Variants in LRRFIP2 observed in about 807,000 individuals in gnomAD.
LRRFIP2 encodes leucine-rich repeat flightless-interacting protein 2.
LRRFIP2 carries 109 observed loss-of-function variants against 125.9 expected under a neutral mutation model. The observed-to-expected ratio is 0.87, with a 90% confidence interval of 0.74 to 1.01. LRRFIP2 has a LOEUF of 1.01. Ranked by LOEUF, LRRFIP2 falls within the 50% of genes least tolerant of loss-of-function variation. LRRFIP2 has a pLI of 0.00. For synonymous variants in LRRFIP2, 291 were observed against 293.1 expected, an observed-to-expected ratio of 0.99 and a Z score of 0.07; for missense variants, 850 against 862.3, an observed-to-expected ratio of 0.99 and a Z score of 0.18.
At chr3:37,071,050 A>C (rs1269170683) in intron 21 of LRRFIP2, among the ~76,000 whole-genome samples, 1 of 152,228 alleles carries the variant, frequency 6.6e-6, no homozygotes, top group African/African-American at 2.4e-5. Context: ...ATCAAATTTC[A>C]CTTTTCAATT....
At chr3:37,118,818 C>T (rs564514996) in intron 6 of LRRFIP2, among the ~76,000 whole-genome samples, 2 of 152,258 alleles carry the variant, frequency 1.3e-5, no homozygotes, top group South Asian at 4.1e-4. Context: ...TCTTAGTACA[C>T]GGCCTTAAGT....
chr3:37,153,461 T>A (rs1194443118), intron 1 of LRRFIP2, among the ~76,000 whole-genome samples: 1 of 152,020 alleles, frequency 6.6e-6, no homozygotes, highest in African/African-American at 2.4e-5. Context: ...CTGGATCACA[T>A]CAAAATTAAA....
upstream of LRRFIP2, chr3:37,176,145 G>A: frequency 6.6e-6 from 1 of 152,330 alleles, no homozygotes; most frequent in Non-Finnish European, 1.5e-5. Context: ...CTGGGGCTAT[G>A]GGCGAGGGGC....
chr3:37,110,959 A>G, intron 9 of LRRFIP2, 32 bp downstream of exon 9: 1 of 1,601,550 alleles, frequency 6.2e-7, no homozygotes, highest in Non-Finnish European at 8.5e-7. Context: ...AAAGTGAATC[A>G]AACACATAAA....
chr3:37,054,381 A>G lies in LRRFIP2; in HGVS notation c.2055+30T>C. ...GAAGATTTTTTCTTTTTAGGAATGT[A>G]TTCTCCAAGAAACATATTAAAAGAA... is the stretch of plus-strand genomic sequence containing the variant. On this transcript the variant is annotated intron_variant, in intron 27 of 27. Coordinates refer to ENST00000336686, the MANE Select transcript of LRRFIP2 (RefSeq NM_006309.4). 4 of 1,525,436 alleles carry G rather than the reference A, an allele frequency of 2.6e-6. No homozygotes were observed. The Middle Eastern group carries it at 6.8e-4, about 260-fold the overall frequency. The allele number at this position is 1,525,436 out of a possible 1,614,324, so 94.5% of individuals were successfully genotyped here. A position where few individuals can be genotyped will look rare whatever the true frequency, so the allele number is the denominator to read the frequency against.
At chr3:37,097,723 A>C (rs980675278) in intron 15 of LRRFIP2, among the ~76,000 whole-genome samples, 81 of 152,306 alleles carry the variant, frequency 5.3e-4, no homozygotes, top group African/African-American at 1.8e-3. Flanking sequence ...GTACCTTAAA[A>C]GTCTAGTCCA....
chr3:37,170,054 T>A (rs2096564195), intron 1 of LRRFIP2, among the ~76,000 whole-genome samples: 1 of 152,190 alleles, frequency 6.6e-6, no homozygotes, highest in African/African-American at 2.4e-5. Context: ...GTTTATTTTT[T>A]CTCCTCACAC....
chr3:37,145,999 T>C (rs1399553150), intron 2 of LRRFIP2, among the ~76,000 whole-genome samples: 1 of 152,196 alleles, frequency 6.6e-6, no homozygotes, highest in Non-Finnish European at 1.5e-5. Flanking sequence ...TAGTGTTTGC[T>C]ACACAGCACT....
At chr3:37,134,873 G>T in intron 2 of LRRFIP2, 1 of 1,253,846 alleles carries the variant, frequency 8.0e-7, no homozygotes, top group South Asian at 1.2e-5. Flanking sequence ...GTACAACAAG[G>T]ATTTGTCATC....
intron 4 of LRRFIP2, among the ~76,000 whole-genome samples, chr3:37,126,868 AAAAG>A (rs556976086): frequency 0.012 from 1,756 of 147,302 alleles, 41 homozygotes; most frequent in African/African-American, 0.04. Context: ...TCAAAAAAAA[AAAAG>A]AAAGAAAGAA....
At chr3:37,057,394 A>G (rs1455253039) in intron 25 of LRRFIP2, among the ~76,000 whole-genome samples, 2 of 152,196 alleles carry the variant, frequency 1.3e-5, no homozygotes, top group Admixed American at 6.5e-5. Context: ...GTTCTCATCT[A>G]CCGCCAACAC....
chr3:37,128,969 T>C, intron 3 of LRRFIP2, 94 bp downstream of exon 3: 2 of 1,134,736 alleles, frequency 1.8e-6, no homozygotes, highest in Non-Finnish European at 2.7e-6. Flanking sequence ...ATTTTCAATG[T>C]TTCAAAGGAA....
In LRRFIP2 at chr3:37,091,544, G is replaced by C. The variant is rs374320726; in HGVS notation, c.1036-6C>G. On this transcript the variant is annotated splice_region_variant and splice_polypyrimidine_tract_variant and intron_variant, in intron 17 of 27. Transcript: ENST00000336686. ...TCCTTAAGGTCATAGATATCCTGCAGGACATAGGAATGAACCATTGCATAA... is the reference window on the plus strand; with the variant it reads ...TCCTTAAGGTCATAGATATCCTGCACGACATAGGAATGAACCATTGCATAA... 3.2e-5 allele frequency: 52 copies of C among 1,600,426 alleles called. No homozygotes were observed. In the African/African-American group the frequency reaches 5.5e-4, roughly 17 times the overall value.
intron 19 of LRRFIP2, among the ~76,000 whole-genome samples, chr3:37,075,613 T>C (rs1385498626): frequency 2.6e-5 from 4 of 152,112 alleles, no homozygotes; most frequent in Non-Finnish European, 5.9e-5. Context: ...TCTCACAACA[T>C]TATAAAAATG....
chr3:37,148,768 T>C, intron 2 of LRRFIP2, 126 bp downstream of exon 2: 2 of 932,876 alleles, frequency 2.1e-6, no homozygotes, highest in Admixed American at 2.6e-5. Flanking sequence ...AGACTAGCTA[T>C]AACATCTTGC....
chr3:37,107,988 A>C (rs576247945), intron 13 of LRRFIP2, 85 bp downstream of exon 13: 19 of 1,119,508 alleles, frequency 1.7e-5, no homozygotes, highest in Non-Finnish European at 2.4e-5. Flanking sequence ...GAATCACACC[A>C]TATCCTCAAT....
At chr3:37,111,731 C>T (rs2094550966) in intron 8 of LRRFIP2, 2 of 152,274 alleles carry the variant, frequency 1.3e-5, no homozygotes, top group African/African-American at 4.8e-5. Context: ...TGAGGACATC[C>T]CTACTCCCAC....
intron 1 of LRRFIP2, among the ~76,000 whole-genome samples, chr3:37,162,124 C>A (rs2096362241): frequency 7.4e-6 from 1 of 136,036 alleles, no homozygotes; most frequent in African/African-American, 2.8e-5. Context: ...CTACTGTACT[C>A]CAGCCTGGGT....
chr3:37,159,967 C>G lies in LRRFIP2; in HGVS notation c.-55-10929G>C, dbSNP rs1022378240. ...GGCTGAGGCAGGAGGATTGCTTGAGCCCAATGAGTAAGCCCTATGCGCAAA... is the reference window on the plus strand; with the variant it reads ...GGCTGAGGCAGGAGGATTGCTTGAGGCCAATGAGTAAGCCCTATGCGCAAA... On this transcript the variant is annotated intron_variant, in intron 1 of 27. Transcript: ENST00000336686. 3.1e-5 allele frequency among the ~76,000 whole-genome samples: 4 copies of G among 127,326 alleles called. No individual in the cohort carries two copies. The East Asian group carries it at 6.5e-4, about 21-fold the overall frequency. The allele number at this position is 127,326 out of a possible 152,430, so 83.5% of individuals were successfully genotyped here. A position where few individuals can be genotyped will look rare whatever the true frequency, so the allele number is the denominator to read the frequency against.
Sources: gnomAD v4.1 joint callset for allele counts (sites outside exome capture counted in the v4.1 genomes callset) on GRCh38, gnomAD v4.1.1 for gene constraint, MANE v1.5 for transcripts, NCBI Gene and HGNC (gene_info 2026-07-23, HGNC 2026-07-21) for gene names.